SH3RF3: variants seen among roughly 807,000 people sequenced by gnomAD.
SH3RF3 encodes E3 ubiquitin-protein ligase SH3RF3.
In SH3RF3, 29 loss-of-function variants were observed where a neutral mutation model predicts 66.3. That is an observed-to-expected ratio of 0.44 (90% CI 0.33 to 0.60). The LOEUF is 0.60. Ranked by LOEUF, SH3RF3 falls within the 20% of genes least tolerant of loss-of-function variation. The pLI is 0.04. For synonymous variants in SH3RF3, 583 were observed against 532.0 expected, an observed-to-expected ratio of 1.10 and a Z score of -1.32; for missense variants, 1,194 against 1,190.9, an observed-to-expected ratio of 1.00 and a Z score of -0.04.
In SH3RF3 at chr2:109,420,023, T is replaced by C. The variant is rs114548348; in HGVS notation, c.1403+381T>C. 5.9e-3 allele frequency among the ~76,000 whole-genome samples: 896 copies of C among 152,248 alleles called. 12 individuals are homozygous for C. Among genetic ancestry groups the C allele is most frequent in the African/African-American group, 0.02 (847 of 41,544 alleles). On this transcript the variant is annotated intron_variant, in intron 5 of 9. Coordinates refer to ENST00000309415, the MANE Select transcript of SH3RF3 (RefSeq NM_001099289.3). ...GCAGCGGGTAGTCTAGGAGCTTGGG[T>C]AGCCACTAGTCACCAACTGCTTGGA...
rs186435984 is a variant in SH3RF3, at chr2:109,355,813, A to T, written c.849+7864A>T. On this transcript the variant is annotated intron_variant, in intron 2 of 9. Coordinates refer to ENST00000309415, the MANE Select transcript of SH3RF3 (RefSeq NM_001099289.3). ...ACAAAGCCCATTTGGTGTTTTGAGG[A>T]GGGGTATTTCTCCATATACTAATGA... 7.9e-5 allele frequency among the ~76,000 whole-genome samples: 12 copies of T among 152,242 alleles called. No individual in the cohort carries two copies. The East Asian group carries it at 2.3e-3, about 29-fold the overall frequency.
intron 4 of SH3RF3, among the ~76,000 whole-genome samples, chr2:109,406,820 A>C (rs1676463725): frequency 6.6e-6 from 1 of 152,152 alleles, no homozygotes; most frequent in African/African-American, 2.4e-5. Flanking sequence ...GCTACATGGA[A>C]GCCTCTGCTC....
intron 1 of SH3RF3, among the ~76,000 whole-genome samples, chr2:109,159,722 T>C (rs1052482517): frequency 2.6e-5 from 4 of 152,190 alleles, no homozygotes; most frequent in African/African-American, 9.7e-5. Context: ...CATTACCGCT[T>C]GATTTCCATC....
At chr2:109,422,286 A>G (rs1211027399) in intron 5 of SH3RF3, among the ~76,000 whole-genome samples, 1 of 152,226 alleles carries the variant, frequency 6.6e-6, no homozygotes, top group African/African-American at 2.4e-5. Flanking sequence ...CTGATGTGAA[A>G]GTCAGCCATG....
intron 1 of SH3RF3, among the ~76,000 whole-genome samples, chr2:109,203,205 CCTGCAGAGAGCCAGGAGCCT>C (rs1678726796): frequency 6.6e-6 from 1 of 152,154 alleles, no homozygotes; most frequent in Admixed American, 6.5e-5. Flanking sequence ...CAAGAAGGAC[CCTGCAGAGAGCCAGGAGCCT>C]CTTCAGAGAG....
chr2:109,236,871 A>G (rs1679662194), intron 1 of SH3RF3, among the ~76,000 whole-genome samples: 2 of 152,206 alleles, frequency 1.3e-5, no homozygotes, highest in South Asian at 4.1e-4. Flanking sequence ...GAAACGCTGC[A>G]GTGACCTGTA....
At chr2:109,400,517 G>A (rs975894623) in intron 4 of SH3RF3, among the ~76,000 whole-genome samples, 2 of 150,810 alleles carry the variant, frequency 1.3e-5, no homozygotes, top group Non-Finnish European at 3.0e-5. Context: ...ACCCCTCCAG[G>A]TGCACACCTG....
chr2:109,169,735 A>T (rs1057034361), intron 1 of SH3RF3, among the ~76,000 whole-genome samples: 1 of 144,166 alleles, frequency 6.9e-6, no homozygotes, highest in Non-Finnish European at 1.5e-5. Flanking sequence ...ACCAAAATAC[A>T]TATGTATAAA....
chr2:109,426,405 C>CT (rs1368121898), intron 5 of SH3RF3, among the ~76,000 whole-genome samples: 2 of 152,128 alleles, frequency 1.3e-5, no homozygotes, highest in Non-Finnish European at 2.9e-5. Context: ...TCATGGATGA[C>CT]TTTGAGTGGT....
chr2:109,473,671 G>A (rs905098531), intron 8 of SH3RF3, among the ~76,000 whole-genome samples: 1 of 152,106 alleles, frequency 6.6e-6, no homozygotes, highest in Non-Finnish European at 1.5e-5. Context: ...GGTGGAGGGA[G>A]GAAGCAGCGT....
At chr2:109,369,209 G>A (rs548485600) in intron 2 of SH3RF3, among the ~76,000 whole-genome samples, 2 of 151,536 alleles carry the variant, frequency 1.3e-5, no homozygotes, top group Non-Finnish European at 2.9e-5. Flanking sequence ...TTAGCCGGGA[G>A]TGGTGGTGAG....
intron 5 of SH3RF3, among the ~76,000 whole-genome samples, chr2:109,420,377 G>A (rs1024420203): frequency 2.6e-5 from 4 of 152,166 alleles, no homozygotes; most frequent in African/African-American, 9.7e-5. Context: ...GTGGGTAGAC[G>A]TCAGAGGGAC....
intron 1 of SH3RF3, among the ~76,000 whole-genome samples, chr2:109,336,226 C>T (rs961067093): frequency 3.3e-5 from 5 of 152,204 alleles, no homozygotes; most frequent in African/African-American, 2.4e-5. Flanking sequence ...AGGATTCTCC[C>T]TCACTGGGGA....
intron 1 of SH3RF3, among the ~76,000 whole-genome samples, chr2:109,320,954 G>C (rs149181672): frequency 6.6e-6 from 1 of 152,314 alleles, no homozygotes; most frequent in African/African-American, 2.4e-5. Flanking sequence ...TTGCCATCTT[G>C]CAGGGTTTTA....
chr2:109,361,712 A>G (rs1309023367), intron 2 of SH3RF3, among the ~76,000 whole-genome samples: 1 of 152,086 alleles, frequency 6.6e-6, no homozygotes, highest in Admixed American at 6.6e-5. Flanking sequence ...CTGACTTCAA[A>G]TAATCTGCCC....
chr2:109,394,944 G>A (rs1676101055), intron 3 of SH3RF3, among the ~76,000 whole-genome samples: 1 of 152,262 alleles, frequency 6.6e-6, no homozygotes, highest in African/African-American at 2.4e-5. Context: ...GGCACTGGCA[G>A]GCGAGGGCAT....
intron 1 of SH3RF3, among the ~76,000 whole-genome samples, chr2:109,145,785 T>G (rs1677083469): frequency 6.6e-6 from 1 of 152,176 alleles, no homozygotes; most frequent in African/African-American, 2.4e-5. Context: ...TATTGGTTTG[T>G]TGGTTGGCAT....
intron 1 of SH3RF3, among the ~76,000 whole-genome samples, chr2:109,248,929 C>CTTGCT (rs1679989574): frequency 6.6e-6 from 1 of 150,894 alleles, no homozygotes; most frequent in African/African-American, 2.4e-5. Flanking sequence ...CCTGTCCTGT[C>CTTGCT]CTGTCTTGCT....
intron 1 of SH3RF3, among the ~76,000 whole-genome samples, chr2:109,268,742 T>TA (rs11428324): frequency 0.37 from 55,212 of 149,994 alleles, 10,111 homozygotes; most frequent in South Asian, 0.45. Context: ...TACTTTATTA[T>TA]AAAAAAAAAA....
Sources: allele counts gnomAD v4.1 joint callset (sites outside exome capture counted in the v4.1 genomes callset), GRCh38; gene constraint gnomAD v4.1.1; transcripts MANE v1.5; gene names NCBI Gene and HGNC (gene_info 2026-07-23, HGNC 2026-07-21).